The following SPAG9 variants were observed in gnomAD, a reference collection of about 807,000 sequenced individuals.
SPAG9 encodes the protein sperm associated antigen 9.
In SPAG9, 35 loss-of-function variants were observed where a neutral mutation model predicts 166.5. The observed-to-expected ratio is 0.21, with a 90% CI of 0.16 to 0.28. SPAG9 has a LOEUF of 0.28. Ranked by LOEUF, SPAG9 falls within the 10% of genes least tolerant of loss-of-function variation. SPAG9 has a pLI of 1.00. For missense variants in SPAG9, 1,235 were observed against 1,603.3 expected, an observed-to-expected ratio of 0.77 and a Z score of 3.92; for synonymous variants, 534 against 565.5, an observed-to-expected ratio of 0.94 and a Z score of 0.79.
intron 28 of SPAG9, among the ~76,000 whole-genome samples, chr17:50,973,655 G>T (rs1268205338): frequency 6.6e-6 from 1 of 152,176 alleles, no homozygotes; most frequent in South Asian, 2.1e-4. Context: ...AGATATCATT[G>T]TAAGTCTTTT....
At chr17:51,059,177 C>G (rs1415276278) in intron 2 of SPAG9, among the ~76,000 whole-genome samples, 2 of 152,118 alleles carry the variant, frequency 1.3e-5, no homozygotes, top group African/African-American at 2.4e-5. Flanking sequence ...CAAAACTAAT[C>G]TGAAATGTTA....
chr17:50,999,822 G>A (rs1381233907), intron 13 of SPAG9, 105 bp from the exon 14 acceptor site: 8 of 854,532 alleles, frequency 9.4e-6, no homozygotes, highest in Non-Finnish European at 1.5e-5. Context: ...ACAGAGGGGA[G>A]TCAACAATTA....
chr17:51,101,893 G>A (rs1284767558), intron 1 of SPAG9, among the ~76,000 whole-genome samples: 4 of 152,176 alleles, frequency 2.6e-5, no homozygotes, highest in South Asian at 4.2e-4. Context: ...CCAAAGTGCT[G>A]GGATTATAGG....
At chr17:51,026,320 GAA>G (rs55851511) in intron 6 of SPAG9, among the ~76,000 whole-genome samples, 7 of 89,360 alleles carry the variant, frequency 7.8e-5, no homozygotes, top group African/African-American at 2.1e-4. Context: ...GGTGAAAAGA[GAA>G]AAAAAAAAAA....
Position 51,020,237 on chromosome 17 carries a change from T to C in SPAG9, c.1013A>G (p.Lys338Arg). 6.2e-7 allele frequency: 1 copy of C among 1,612,828 alleles called. No homozygotes were observed. Among genetic ancestry groups the C allele is most frequent in the Non-Finnish European group, 8.5e-7 (1 of 1,178,896 alleles). Residue 338 changes from lysine (K) to arginine (R), a missense_variant, in exon 8 of 30, where the codon AAG becomes AGG. Around this residue, in one of 6 missense-constraint regions of SPAG9, gnomAD observed 288 missense variants for 323.7 expected, o/e 0.89. Transcript: ENST00000262013. The part of the protein sequence containing the change: ...VSTGSAENEE[K>R]SEVQAIIEST... The stretch of plus-strand genomic sequence containing the variant: ...TTCGATGATTGCTTGAACTTCTGAC[T>C]TTTCTTCATTTTCAGCAGAGCCTTA...
intron 2 of SPAG9, among the ~76,000 whole-genome samples, chr17:51,069,261 T>G (rs2144586134): frequency 6.6e-6 from 1 of 152,156 alleles, no homozygotes; most frequent in East Asian, 1.9e-4. Flanking sequence ...ATTCTTAAAA[T>G]TATGTAGAAG....
chr17:51,057,109 G>C (rs554683441), intron 2 of SPAG9, among the ~76,000 whole-genome samples: 8 of 152,336 alleles, frequency 5.3e-5, no homozygotes, highest in African/African-American at 1.9e-4. Flanking sequence ...GATTCAGGGA[G>C]GAGGTGGTGT....
At chr17:51,004,954 T>C (rs1345566256) in intron 12 of SPAG9, among the ~76,000 whole-genome samples, 2 of 152,138 alleles carry the variant, frequency 1.3e-5, no homozygotes, top group East Asian at 1.9e-4. Flanking sequence ...AATGTCCCAG[T>C]TGGTCCTCAA....
intron 2 of SPAG9, among the ~76,000 whole-genome samples, chr17:51,069,731 A>AAT (rs1316995102): frequency 1.3e-5 from 2 of 152,154 alleles, no homozygotes; most frequent in Admixed American, 1.3e-4. Context: ...TCCTTCTAAT[A>AAT]ATAATGTTTC....
chr17:50,970,615 AATC>A, intron 29 of SPAG9, 89 bp downstream of exon 29: 2 of 1,102,160 alleles, frequency 1.8e-6, no homozygotes, highest in Non-Finnish European at 2.6e-6. Context: ...ACCTCTTATA[AATC>A]ATTATCAGAG....
At chr17:50,974,346 G>A (rs1974065695) in intron 28 of SPAG9, among the ~76,000 whole-genome samples, 2 of 152,162 alleles carry the variant, frequency 1.3e-5, no homozygotes, top group African/African-American at 2.4e-5. Context: ...ACAGGGGCCA[G>A]ACCCCCAGGC....
Position 51,041,495 on chromosome 17 carries a change from G to C in SPAG9, c.741+6C>G. On this transcript the variant is annotated splice_donor_region_variant and intron_variant, in intron 5 of 29. Transcript: ENST00000262013. ...ACTGACACAATTTCAGCAGCATAAA[G>C]CTTACCTTCAGGCTGGTATGAGAAC... 6.2e-7 allele frequency: 1 copy of C among 1,611,938 alleles called. No homozygotes were observed. Among genetic ancestry groups the C allele is most frequent in the Non-Finnish European group, 8.5e-7 (1 of 1,179,190 alleles).
chr17:51,020,083 A>G, intron 8 of SPAG9, 76 bp downstream of exon 8: 4 of 808,956 alleles, frequency 4.9e-6, no homozygotes, highest in Non-Finnish European at 8.4e-6. Context: ...CATTTTGTCC[A>G]GAGACTGGAG....
intron 11 of SPAG9, 98 bp from the exon 12 acceptor site, chr17:51,005,361 A>G: frequency 8.8e-7 from 1 of 1,131,118 alleles, no homozygotes; most frequent in South Asian, 1.4e-5. Context: ...CCACTAAAGG[A>G]TTATTTTTCT....
At chr17:51,056,135 T>C (rs906366258) in intron 3 of SPAG9, among the ~76,000 whole-genome samples, 1 of 152,162 alleles carries the variant, frequency 6.6e-6, no homozygotes, top group Non-Finnish European at 1.5e-5. Flanking sequence ...CATAGGTTTT[T>C]GCTTAGCCAG....
At position 51,120,666 on chromosome 17, in the gene SPAG9, C is replaced by G; in HGVS notation, c.-10G>C. ...CGTCCTCCAGCTCCATGGTGGCAAG[C>G]GGACGGGCGGGCGGCCCGGGGCGTC... On this transcript the variant is annotated 5_prime_UTR_variant, in exon 1 of 30. Coordinates refer to ENST00000262013, the MANE Select transcript of SPAG9 (RefSeq NM_001130528.3). The surrounding 1 kb of genome is among the most constrained non-coding windows in gnomAD (Gnocchi z 4.7). 6.4e-7 allele frequency: 1 copy of G among 1,567,954 alleles called. No individual in the cohort carries two copies. The highest frequency in any genetic ancestry group is 8.6e-7 in the Non-Finnish European group (1 of 1,158,138).
intron 4 of SPAG9, chr17:51,046,705 C>T: frequency 6.5e-7 from 1 of 1,535,938 alleles, no homozygotes; most frequent in African/African-American, 1.4e-5. Flanking sequence ...AGGAGGCCTA[C>T]ACGGGGGCCA....
intron 1 of SPAG9, among the ~76,000 whole-genome samples, chr17:51,100,701 A>G (rs914541296): frequency 2.6e-5 from 4 of 152,110 alleles, no homozygotes; most frequent in African/African-American, 9.7e-5. Flanking sequence ...GGGAGGATCA[A>G]CTGAGGTTGG....
intron 13 of SPAG9, among the ~76,000 whole-genome samples, chr17:51,000,335 T>A (rs950834565): frequency 6.6e-6 from 1 of 152,218 alleles, no homozygotes; most frequent in African/African-American, 2.4e-5. Context: ...TGTTATGAAC[T>A]AAATTAAAAA....
Sources: gnomAD v4.1 joint callset for allele counts (sites outside exome capture counted in the v4.1 genomes callset) on GRCh38, gnomAD v4.1.1 for gene constraint, gnomAD v4.1.1 regional missense constraint, Gnocchi (gnomAD v3.1) non-coding constraint, MANE v1.5 for transcripts, NCBI Gene and HGNC (gene_info 2026-07-23, HGNC 2026-07-21) for gene names.